The following REXO4 variants were observed in gnomAD, a reference collection of about 807,000 sequenced individuals.
The protein encoded by REXO4 is RNA exonuclease 4.
A neutral mutation model predicts 39.9 loss-of-function variants in REXO4; 29 were observed. That is an observed-to-expected ratio of 0.73 (90% CI 0.54 to 0.99). REXO4 has a LOEUF of 0.99. Among genes scored for constraint, REXO4 ranks in the 50% least tolerant of loss-of-function variants. The pLI, the probability that REXO4 is intolerant of heterozygous loss-of-function variation, is 0.00. For missense variants in REXO4, 524 were observed against 546.5 expected (o/e 0.96, Z 0.41); for synonymous variants, 184 against 206.2 (o/e 0.89, Z 0.92).
intron 1 of REXO4, 24 bp downstream of exon 1, chr9:133,417,596 C>T (rs1839735542): frequency 6.2e-7 from 1 of 1,608,756 alleles, no homozygotes; most frequent in Non-Finnish European, 8.5e-7. Flanking sequence ...CGCAGCGCTC[C>T]GCCCGGGCCC....
At chr9:133,412,227 A>C in intron 4 of REXO4, 72 bp downstream of exon 4, 1 of 1,483,404 alleles carries the variant, frequency 6.7e-7, no homozygotes, top group East Asian at 2.3e-5. Context: ...CAGACAGAAA[A>C]GGGAACAAAA....
At position 133,406,983 on chromosome 9, in the gene REXO4, A is replaced by G. The variant is rs1554778973; in HGVS notation, c.1239T>C (p.Thr413=). Residue 413 remains threonine (T), a synonymous_variant, in exon 8 of 8, where the codon ACT becomes ACC. Coordinates refer to ENST00000371942, the MANE Select transcript of REXO4 (RefSeq NM_020385.4). ...SMARDRRPLL[T]APDHCSDDA is the part of the protein sequence containing the mutation. ...CGTCGTCACTGCAGTGGTCTGGAGC[A>G]GTCAGCAGGGGGCGCCTGTCTCGGG... 6 of 1,612,570 alleles carry G rather than the reference A, an allele frequency of 3.7e-6. No homozygotes were observed. The Admixed American group carries it at 1.0e-4, about 27-fold the overall frequency.
chr9:133,414,931 A>C lies in REXO4; in HGVS notation c.306T>G (p.Ile102Met). 1 of 1,613,586 alleles carries C rather than the reference A, an allele frequency of 6.2e-7. No homozygotes were observed. Among genetic ancestry groups the C allele is most frequent in the Non-Finnish European group, 8.5e-7 (1 of 1,179,938 alleles). Reference sequence around the variant, plus strand: ...AGGTCTCTTTTTTGTTTTGCTGGATAATTTTGGGCTTCTTTTTGGAACCCA... The same window carrying C: ...AGGTCTCTTTTTTGTTTTGCTGGATCATTTTGGGCTTCTTTTTGGAACCCA... ...SQMGSKKKPK[I>M]IQQNKKETSP... Residue 102 changes from isoleucine (I) to methionine (M), a missense_variant, in exon 2 of 8, where the codon ATT becomes ATG. By Grantham distance (10) the Ile-to-Met change is conservative (BLOSUM62 1). Transcript: ENST00000371942.
intron 6 of REXO4, 53 bp downstream of exon 6, chr9:133,408,715 A>T: frequency 7.9e-7 from 1 of 1,269,600 alleles, no homozygotes; most frequent in South Asian, 1.2e-5. Flanking sequence ...GAAACAATGA[A>T]GTGACCAGCA....
rs1838899725 is a variant in REXO4, at chr9:133,406,817, A to G, written c.*136T>C. On this transcript the variant is annotated 3_prime_UTR_variant, in exon 8 of 8. Coordinates refer to ENST00000371942, the MANE Select transcript of REXO4 (RefSeq NM_020385.4). ...CAAGAGGAAGGAGGACCTTCTCAGT[A>G]GCACCACGCCACGCCCCTCTGCCAT... 7.8e-7 allele frequency: 1 copy of G among 1,290,244 alleles called. No individual in the cohort carries two copies. Among genetic ancestry groups the G allele is most frequent in the African/African-American group, 1.5e-5 (1 of 68,672 alleles). 79.9% of individuals were successfully genotyped at this position (1,290,244 alleles called of 1,614,324 possible). A position where few individuals can be genotyped will look rare whatever the true frequency, so the allele number is the denominator to read the frequency against.
In REXO4 at chr9:133,417,768, A is replaced by C; in HGVS notation, c.77T>G (p.Leu26Arg). 1 of 1,612,248 alleles carries C rather than the reference A, an allele frequency of 6.2e-7. No homozygotes were observed. The highest frequency in any genetic ancestry group is 1.1e-5 in the South Asian group (1 of 91,086). Residue 26 changes from leucine (L) to arginine (R), a missense_variant, in exon 1 of 8, where the codon CTC (leucine) becomes CGC (arginine). Coordinates refer to ENST00000371942, the MANE Select transcript of REXO4 (RefSeq NM_020385.4). The part of the protein sequence containing the change: ...PVAKPGPVKT[L>R]TRKKNKKKKR... ...TTTCTTCTTGTTTTTCTTCCGAGTGAGCGTCTTGACAGGACCCGGCTTAGC... is the reference window on the plus strand; with the variant it reads ...TTTCTTCTTGTTTTTCTTCCGAGTGCGCGTCTTGACAGGACCCGGCTTAGC...
intron 4 of REXO4, among the ~76,000 whole-genome samples, chr9:133,411,302 TAA>T (rs1839201006): frequency 6.6e-6 from 1 of 152,162 alleles, no homozygotes; most frequent in Non-Finnish European, 1.5e-5. Flanking sequence ...AGGAGAGGAA[TAA>T]AGTGCTCCAC....
At chr9:133,418,120 G>T (rs1554782187), upstream of REXO4, 1 of 488,372 alleles carries the variant, frequency 2.0e-6, no homozygotes, top group East Asian at 3.6e-5. Context: ...ACCCGCACGG[G>T]ACTTGGGCCG....
At chr9:133,412,729 T>C in intron 3 of REXO4, 49 bp downstream of exon 3, 1 of 1,598,534 alleles carries the variant, frequency 6.3e-7, no homozygotes, top group Non-Finnish European at 8.5e-7. Context: ...AGCCCCGCCC[T>C]CCACGGCTAA....
upstream of REXO4, chr9:133,418,035 C>T: frequency 3.4e-6 from 2 of 594,296 alleles, no homozygotes; most frequent in South Asian, 4.2e-5. Flanking sequence ...GCTCCAGTCC[C>T]CGGAAGCGCT....
intron 2 of REXO4, 22 bp downstream of exon 2, chr9:133,414,640 CAGT>C: frequency 6.2e-7 from 1 of 1,608,698 alleles, no homozygotes; most frequent in Non-Finnish European, 8.5e-7. Context: ...CCTCGGTTCT[CAGT>C]GGTGAGGTGG....
chr9:133,408,667 A>C (rs887154219), intron 6 of REXO4, 101 bp downstream of exon 6: 8 of 796,360 alleles, frequency 1.0e-5, no homozygotes, highest in Non-Finnish European at 1.7e-5. Flanking sequence ...AAGAAAAAAC[A>C]AAAACCCTTT....
At chr9:133,412,592 A>C (rs782147885) in intron 3 of REXO4, 100 bp from the exon 4 acceptor site, 86 of 1,436,410 alleles carry the variant, frequency 6.0e-5, no homozygotes, top group Non-Finnish European at 8.1e-5. Flanking sequence ...AGCAGAGAAA[A>C]GCTCTCTGCC....
Position 133,406,204 on chromosome 9 carries a change from G to C in REXO4, c.*749C>G, listed in dbSNP as rs1838866346. ...TGGCTGTTCCTGGCTCTAGTTCCCA[G>C]GGGAGCCTCAAACTGGGGCCTAGCC... On this transcript the variant is annotated 3_prime_UTR_variant, in exon 8 of 8. Coordinates refer to ENST00000371942, the MANE Select transcript of REXO4 (RefSeq NM_020385.4). 6.6e-6 allele frequency: 1 copy of C among 152,234 alleles called. No homozygotes were observed. The highest frequency in any genetic ancestry group is 2.1e-4 in the South Asian group (1 of 4,822). The allele number at this position is 152,234 out of a possible 1,614,324, so 9.4% of individuals were successfully genotyped here. A position where few individuals can be genotyped will look rare whatever the true frequency, so the allele number is the denominator to read the frequency against.
chr9:133,409,566 T>C (rs1839104574), intron 5 of REXO4, among the ~76,000 whole-genome samples: 1 of 152,138 alleles, frequency 6.6e-6, no homozygotes, highest in Non-Finnish European at 1.5e-5. Flanking sequence ...CAATTTTTTG[T>C]TTTGTTTTGT....
intron 7 of REXO4, 26 bp from the exon 8 acceptor site, chr9:133,407,098 G>T: frequency 6.2e-7 from 1 of 1,611,000 alleles, no homozygotes. Flanking sequence ...CATCCCAGCA[G>T]GTGACGAGGC....
chr9:133,415,937 G>C (rs1839570668), intron 1 of REXO4: 1 of 152,440 alleles, frequency 6.6e-6, no homozygotes, highest in South Asian at 2.1e-4. Context: ...GGCTGAGGTG[G>C]GAGGATTGCT....
At chr9:133,407,926 C>A (rs782379373) in intron 6 of REXO4, 45 bp from the exon 7 acceptor site, 1 of 1,493,470 alleles carries the variant, frequency 6.7e-7, no homozygotes, top group Non-Finnish European at 9.3e-7. Flanking sequence ...CAGGCTCGGC[C>A]CAAAGAGGGT....
At chr9:133,415,649 G>A (rs587623209) in intron 1 of REXO4, 4 of 152,442 alleles carry the variant, frequency 2.6e-5, no homozygotes, top group South Asian at 2.1e-4. Flanking sequence ...ATGATGAGGC[G>A]GGTGCTACTT....
Sources: allele counts gnomAD v4.1 joint callset (sites outside exome capture counted in the v4.1 genomes callset), GRCh38; gene constraint gnomAD v4.1.1; transcripts MANE v1.5; gene names NCBI Gene and HGNC (gene_info 2026-07-23, HGNC 2026-07-21).